Variants in SCLY observed in about 807,000 individuals in gnomAD.
The protein encoded by SCLY is selenocysteine lyase.
SCLY carries 38 observed loss-of-function variants against 50.1 expected under a neutral mutation model. That is an observed-to-expected ratio of 0.76 (90% confidence interval 0.59 to 0.99). The LOEUF is 0.99. Ranked by LOEUF, SCLY falls within the 50% of genes least tolerant of loss-of-function variation. The pLI, the probability that SCLY is intolerant of heterozygous loss-of-function variation, is 0.00. For missense variants in SCLY, 600 were observed against 620.0 expected (o/e 0.97, Z 0.34); for synonymous variants, 243 against 249.4 (o/e 0.97, Z 0.24).
Position 238,066,821 on chromosome 2 carries a change from G to A in SCLY, c.203-1244G>A, listed in dbSNP as rs1473921402. Among the ~76,000 whole-genome samples, 1 of 152,202 alleles carries A rather than the reference G, an allele frequency of 6.6e-6. No homozygotes were observed. The highest frequency in any genetic ancestry group is 6.5e-5 in the Admixed American group (1 of 15,284). ...ATTTATAAAGGAAAGAGGTTTAATT[G>A]ACTCACAGTTTCCCATGGCTGGGGA... On this transcript the variant is annotated intron_variant, in intron 2 of 11. Transcript: ENST00000254663. This position sits in a 1 kb window ranked among gnomAD's most constrained non-coding sequence, Gnocchi z 4.1.
At chr2:238,084,482 T>C (rs540248828) in intron 7 of SCLY, among the ~76,000 whole-genome samples, 5 of 149,374 alleles carry the variant, frequency 3.3e-5, no homozygotes, top group Non-Finnish European at 7.4e-5. Flanking sequence ...TCCCAGCTAC[T>C]TGGGAAGCTG....
chr2:238,089,552 C>T (rs913951026), intron 7 of SCLY, among the ~76,000 whole-genome samples: 2 of 152,102 alleles, frequency 1.3e-5, no homozygotes, highest in African/African-American at 4.8e-5. Flanking sequence ...GTCCAACCTG[C>T]GGCCTGCAGG....
At chr2:238,070,033 C>T (rs144745992) in intron 4 of SCLY, among the ~76,000 whole-genome samples, 147 of 152,324 alleles carry the variant, frequency 9.7e-4, no homozygotes, top group Non-Finnish European at 1.7e-3. Context: ...TGTGGAGAAG[C>T]GGAGTGAGGT....
chr2:238,084,711 G>A (rs1301533044), intron 7 of SCLY, among the ~76,000 whole-genome samples: 1 of 149,036 alleles, frequency 6.7e-6, no homozygotes, highest in African/African-American at 2.5e-5. Flanking sequence ...TGGCTAATAT[G>A]GTGAAACCCC....
At chr2:238,079,068 C>CTTTTTTTTTTTTTTTTTTTTTTTT (rs59238768) in intron 4 of SCLY, 1 of 93,186 alleles carries the variant, frequency 1.1e-5, no homozygotes, top group Non-Finnish European at 2.0e-5. Context: ...CTTTCTTTTT[C>CTTTTTTTTTTTTTTTTTTTTTTTT]TTTTTTTTTT....
Position 238,096,801 on chromosome 2 carries a change from G to A in SCLY, c.1109G>A (p.Gly370Asp), listed in dbSNP as rs1171249316. Residue 370 changes from glycine to aspartate, a missense_variant and splice_region_variant, in exon 11 of 12, where the codon GGC (glycine) becomes GAC (aspartate). Gly to Asp is a moderately conservative substitution (Grantham distance 94). Transcript: ENST00000254663. ...AGGGGCATGTGCTCTGTCTCCGCAG[G>A]CCACGTGGTGCTTGCGCAGTGCCGA... ...NFSIRGPRLQ[G>D]HVVLAQCRVL... 2 of 1,608,664 alleles carry A rather than the reference G, an allele frequency of 1.2e-6. No homozygotes were observed. The highest frequency in any genetic ancestry group is 2.2e-5 in the South Asian group (2 of 89,804).
chr2:238,084,617 C>T (rs1464346966), intron 7 of SCLY, among the ~76,000 whole-genome samples: 14 of 105,914 alleles, frequency 1.3e-4, no homozygotes, highest in African/African-American at 3.7e-4. Flanking sequence ...AAAAAAAGCC[C>T]AGCACGGTGG....
chr2:238,093,372 T>A, intron 8 of SCLY: 1 of 176,462 alleles, frequency 5.7e-6, no homozygotes. Flanking sequence ...TCCCTGCGCC[T>A]TCACCCCCTC....
At chr2:238,095,048 A>G (rs1233334947) in intron 10 of SCLY, among the ~76,000 whole-genome samples, 1 of 152,036 alleles carries the variant, frequency 6.6e-6, no homozygotes, top group Admixed American at 6.6e-5. Context: ...CAAAAACTAC[A>G]AAAAATTAGC....
chr2:238,083,376 G>A lies in SCLY; in HGVS notation c.884+22G>A. 1.3e-6 allele frequency: 2 copies of A among 1,485,884 alleles called. No homozygotes were observed. The highest frequency in any genetic ancestry group is 1.9e-6 in the Non-Finnish European group (2 of 1,063,262). The allele number at this position is 1,485,884 out of a possible 1,614,324, so 92.0% of individuals were successfully genotyped here. ...CAGGGTAAGGCAGAAAGTTAACAAA[G>A]TCTCTGACCTACTGACCGTGTCATT... On this transcript the variant is annotated intron_variant, in intron 7 of 11. Transcript: ENST00000254663. This position sits in a 1 kb window ranked among gnomAD's most constrained non-coding sequence, Gnocchi z 4.3.
rs1576662746 is a variant in SCLY at position 238,069,068 on chromosome 2, T to A, written c.304-229T>A. 6.6e-6 allele frequency among the ~76,000 whole-genome samples: 1 copy of A among 152,240 alleles called. No homozygotes were observed. Among genetic ancestry groups the A allele is most frequent in the East Asian group, 1.9e-4 (1 of 5,208 alleles). On this transcript the variant is annotated intron_variant, in intron 3 of 11. Coordinates refer to ENST00000254663, the MANE Select transcript of SCLY (RefSeq NM_016510.7). This position sits in a 1 kb window ranked among gnomAD's most constrained non-coding sequence, Gnocchi z 5.0. Reference sequence around the variant, plus strand: ...ATACCAATACATTTATATAAATTCTTAAAAATTAATAATATTGCTTAACTA... The same window carrying A: ...ATACCAATACATTTATATAAATTCTAAAAAATTAATAATATTGCTTAACTA...
chr2:238,085,578 T>C (rs2065286860), intron 7 of SCLY, among the ~76,000 whole-genome samples: 1 of 151,260 alleles, frequency 6.6e-6, no homozygotes, highest in Non-Finnish European at 1.5e-5. Context: ...ACACAAAAAA[T>C]TAGCCGGGCT....
rs2065086839 is a variant in SCLY at position 238,067,933 on chromosome 2, A to G, written c.203-132A>G. The G allele has an allele frequency of 1.6e-6, 1 of 627,936 alleles. No homozygotes were observed. The highest frequency in any genetic ancestry group is 2.6e-4 in the Middle Eastern group (1 of 3,852). The allele number at this position is 627,936 out of a possible 1,614,324, so 38.9% of individuals were successfully genotyped here. A position where few individuals can be genotyped will look rare whatever the true frequency, so the allele number is the denominator to read the frequency against. On this transcript the variant is annotated intron_variant, in intron 2 of 11. Coordinates refer to ENST00000254663, the MANE Select transcript of SCLY (RefSeq NM_016510.7). This position sits in a 1 kb window ranked among gnomAD's most constrained non-coding sequence, Gnocchi z 4.3. ...GGTTGTAGCATTTTGCTGTGCTCAC[A>G]TTAAGGGGCCAGGTTTTGTCTTAGA... is the stretch of plus-strand genomic sequence containing the variant.
chr2:238,070,078 CAG>C (rs553830711), intron 4 of SCLY, among the ~76,000 whole-genome samples: 29 of 152,322 alleles, frequency 1.9e-4, no homozygotes, highest in Non-Finnish European at 2.5e-4. Context: ...CAGGGGCCCT[CAG>C]GGAGGAGGAG....
Position 238,099,398 on chromosome 2 carries a change from A to G in SCLY, c.*1043A>G, listed in dbSNP as rs1330118043. ...GCCAGAAACTAAATTAACGAATAAA[A>G]GATTTCAGTGCCCGACTTGGGGATC... On this transcript the variant is annotated 3_prime_UTR_variant, in exon 12 of 12. Transcript: ENST00000254663. 2.2e-6 allele frequency: 1 copy of G among 459,914 alleles called. No homozygotes were observed. The highest frequency in any genetic ancestry group is 2.0e-5 in the African/African-American group (1 of 49,696). The allele number at this position is 459,914 out of a possible 1,614,324, so 28.5% of individuals were successfully genotyped here.
rs373282605 is a variant in SCLY, at chr2:238,063,379, A to G, written c.90-978A>G. Among the ~76,000 whole-genome samples the G allele has an allele frequency of 2.6e-4, 40 of 151,434 alleles. No individual in the cohort carries two copies. In the East Asian group the frequency reaches 6.6e-3, roughly 25 times the overall value. On this transcript the variant is annotated intron_variant, in intron 1 of 11. Coordinates refer to ENST00000254663, the MANE Select transcript of SCLY (RefSeq NM_016510.7). ...GCAATTCTTCTGCCCCAGCCTCCCT[A>G]GTAGGGCTAATGTTTGCATTTTTAG...
Position 238,099,238 on chromosome 2 carries a change from T to C in SCLY, c.*883T>C. On this transcript the variant is annotated 3_prime_UTR_variant, in exon 12 of 12. Coordinates refer to ENST00000254663, the MANE Select transcript of SCLY (RefSeq NM_016510.7). ...CTTAATTTTATTTGCAGAGGATTCT[T>C]TTCTCAAAATGCTCTGGCATTTGGA... The C allele has an allele frequency of 2.1e-6, 1 of 471,412 alleles. No individual in the cohort carries two copies. The highest frequency in any genetic ancestry group is 4.4e-6 in the Non-Finnish European group (1 of 227,084). 29.2% of individuals were successfully genotyped at this position (471,412 alleles called of 1,614,324 possible).
At chr2:238,094,183 A>G in intron 9 of SCLY, 1 of 611,698 alleles carries the variant, frequency 1.6e-6, no homozygotes. Flanking sequence ...AGGATCAAAT[A>G]TGCAGAGGTG....
In SCLY at chr2:238,081,742, G is replaced by A. The variant is rs1275237298; in HGVS notation, c.518G>A (p.Gly173Glu). The change falls in exon 5 of 12, where the codon GGG becomes GAG. Residue 173 changes from glycine (G) to glutamate (E), a missense_variant. By Grantham distance (98) the Gly-to-Glu change is moderately conservative. Coordinates refer to ENST00000254663, the MANE Select transcript of SCLY (RefSeq NM_016510.7). ...VTFVPVSKVS[G>E]QAEVDDILAA... ...TTTGTCCCGGTGTCCAAGGTGAGCGGGCAGGCAGAGGTGGACGACATCCTC... is the reference window on the plus strand; with the variant it reads ...TTTGTCCCGGTGTCCAAGGTGAGCGAGCAGGCAGAGGTGGACGACATCCTC... 1.5e-5 allele frequency: 24 copies of A among 1,614,082 alleles called. No homozygotes were observed. In the Admixed American group the frequency reaches 3.8e-4, roughly 26 times the overall value.
Sources: gnomAD v4.1 joint callset for allele counts (sites outside exome capture counted in the v4.1 genomes callset) on GRCh38, gnomAD v4.1.1 for gene constraint, Gnocchi (gnomAD v3.1) non-coding constraint, MANE v1.5 for transcripts, NCBI Gene and HGNC (gene_info 2026-07-23, HGNC 2026-07-21) for gene names.